MTRF1: variants seen among roughly 807,000 people sequenced by gnomAD.
MTRF1 encodes the protein peptide chain release factor 1, mitochondrial.
MTRF1 carries 51 observed loss-of-function variants against 62.9 expected under a neutral mutation model. That is an observed-to-expected ratio of 0.81 (90% CI 0.65 to 1.02). The LOEUF is 1.02. Among genes scored for constraint, MTRF1 ranks in the 50% least tolerant of loss-of-function variants. MTRF1 has a pLI of 0.00. For missense variants in MTRF1, 446 were observed against 530.0 expected, an observed-to-expected ratio of 0.84 and a Z score of 1.56; for synonymous variants, 158 against 181.9, an observed-to-expected ratio of 0.87 and a Z score of 1.06.
At chr13:41,304,172 G>A in the MTRF1 span, among the ~76,000 whole-genome samples, 4 of 152,212 alleles carry the variant, frequency 2.6e-5, no homozygotes, top group East Asian at 7.7e-4. Context: ...GGAGAGGGTG[G>A]TCTACTGTGT....
chr13:41,259,715 A>AG, intron 2 of MTRF1, among the ~76,000 whole-genome samples: 1 of 150,488 alleles, frequency 6.6e-6, no homozygotes, highest in East Asian at 1.9e-4. Context: ...AAAAAAAAAA[A>AG]AAAAAACATA....
chr13:41,271,763 G>A, the MTRF1 span, among the ~76,000 whole-genome samples: 1 of 152,072 alleles, frequency 6.6e-6, no homozygotes, highest in Admixed American at 6.5e-5. Context: ...ATTCTGCTGG[G>A]AGGAGCAAAA....
the MTRF1 span, among the ~76,000 whole-genome samples, chr13:41,306,361 G>C: frequency 6.1e-4 from 92 of 151,372 alleles, no homozygotes; most frequent in African/African-American, 2.0e-3. Flanking sequence ...TCCAGCCTGG[G>C]ACACGGAGTG....
chr13:41,227,578 T>C (rs1481925481), intron 7 of MTRF1, among the ~76,000 whole-genome samples: 1 of 152,168 alleles, frequency 6.6e-6, no homozygotes, highest in Non-Finnish European at 1.5e-5. Flanking sequence ...GAGGCTGTGT[T>C]GTTCTTAACT....
chr13:41,290,265 A>C, the MTRF1 span, among the ~76,000 whole-genome samples: 6 of 147,990 alleles, frequency 4.1e-5, no homozygotes, highest in African/African-American at 1.5e-4. Flanking sequence ...CGTCCGGCTA[A>C]TTTTTTTGTA....
chr13:41,242,122 CCAA>C (rs2037583710), intron 5 of MTRF1, among the ~76,000 whole-genome samples: 1 of 151,464 alleles, frequency 6.6e-6, no homozygotes, highest in Non-Finnish European at 1.5e-5. Flanking sequence ...TACCAAGATA[CCAA>C]CGTTTTTTTT....
rs988428113 is a variant in MTRF1, at chr13:41,233,940, T to C, written c.938A>G (p.Gln313Arg). ...GGCACTATCAGTTTTATTAACATGC[T>C]GCCCTCCTGCTCCTTTGGCTCGAAA... ...DTFRAKGAGG[Q>R]HVNKTDSAVR... Residue 313 changes from glutamine (Q) to arginine (R), a missense_variant, in exon 7 of 10, where the codon CAG (glutamine) becomes CGG (arginine). By Grantham distance (43) the Gln-to-Arg change is conservative. Coordinates refer to ENST00000379480, the MANE Select transcript of MTRF1 (RefSeq NM_004294.4). The C allele has an allele frequency of 6.2e-7, 1 of 1,614,204 alleles. No homozygotes were observed. Among genetic ancestry groups the C allele is most frequent in the Non-Finnish European group, 8.5e-7 (1 of 1,180,010 alleles).
At chr13:41,304,753 T>C in the MTRF1 span, among the ~76,000 whole-genome samples, 1 of 152,184 alleles carries the variant, frequency 6.6e-6, no homozygotes, top group Non-Finnish European at 1.5e-5. Context: ...TTGACATAGG[T>C]TACAGCTTAT....
intron 9 of MTRF1, among the ~76,000 whole-genome samples, chr13:41,218,170 T>C (rs1316402254): frequency 2.6e-5 from 4 of 151,960 alleles, no homozygotes; most frequent in African/African-American, 7.3e-5. Context: ...GGCTGGAGTA[T>C]AGTGGTGTGA....
the MTRF1 span, among the ~76,000 whole-genome samples, chr13:41,291,682 A>T: frequency 6.6e-6 from 1 of 152,098 alleles, no homozygotes; most frequent in South Asian, 2.1e-4. Context: ...CTCTCAAAAG[A>T]GGGAAAGGTA....
At chr13:41,311,279 A>AACCGCC in the MTRF1 span, 1 of 551,780 alleles carries the variant, frequency 1.8e-6, no homozygotes, top group South Asian at 2.3e-5. Flanking sequence ...AGTGCGCGGG[A>AACCGCC]ACCGCCGCCG....
chr13:41,260,528 T>C lies in MTRF1; in HGVS notation c.380A>G (p.Glu127Gly). The stretch of plus-strand genomic sequence containing the variant: ...TGATTCTAATTCTTCAATTGCTTGT[T>C]CAGTCTCCTGAATTTCTTGGTAAAT... The part of the protein sequence containing the change: ...AAIYQEIQET[E>G]QAIEELESMC... The change falls in exon 2 of 10, where the codon GAA (glutamate) becomes GGA (glycine). Residue 127 changes from glutamate to glycine, a missense_variant. Physicochemically the swap from Glu to Gly is moderately conservative, Grantham distance 98. Coordinates refer to ENST00000379480, the MANE Select transcript of MTRF1 (RefSeq NM_004294.4). 1 of 1,613,948 alleles carries C rather than the reference T, an allele frequency of 6.2e-7. No homozygotes were observed. Among genetic ancestry groups the C allele is most frequent in the Non-Finnish European group, 8.5e-7 (1 of 1,179,880 alleles).
At chr13:41,223,149 T>C in intron 9 of MTRF1, 107 bp downstream of exon 9, 1 of 644,880 alleles carries the variant, frequency 1.6e-6, no homozygotes, top group Non-Finnish European at 2.4e-6. Flanking sequence ...TTTAAATTAC[T>C]TGGTAATATT....
intron 5 of MTRF1, among the ~76,000 whole-genome samples, chr13:41,246,835 T>A (rs1344449380): frequency 1.3e-5 from 2 of 152,250 alleles, no homozygotes; most frequent in East Asian, 3.8e-4. Flanking sequence ...GAGAAGACTG[T>A]GACTTATTTG....
the MTRF1 span, among the ~76,000 whole-genome samples, chr13:41,296,900 T>G: frequency 2.6e-5 from 4 of 152,162 alleles, no homozygotes; most frequent in Admixed American, 2.6e-4. Flanking sequence ...TCATCAGATT[T>G]TAATCATGGC....
chr13:41,249,506 A>C (rs1205736852), intron 5 of MTRF1, among the ~76,000 whole-genome samples: 2 of 151,736 alleles, frequency 1.3e-5, no homozygotes, highest in Admixed American at 1.3e-4. Context: ...ACGCCACTGC[A>C]CTCCAGCCTA....
At chr13:41,311,670 C>T in the MTRF1 span, 1 of 1,200,318 alleles carries the variant, frequency 8.3e-7, no homozygotes, top group Non-Finnish European at 1.2e-6. Flanking sequence ...CCGGCGCGGG[C>T]CAGGCTTGGC....
chr13:41,286,700 G>A, the MTRF1 span, among the ~76,000 whole-genome samples: 1 of 152,146 alleles, frequency 6.6e-6, no homozygotes, highest in Non-Finnish European at 1.5e-5. Context: ...ACAACTAAGA[G>A]CAGAATACTT....
chr13:41,230,565 T>G lies in MTRF1; in HGVS notation c.988+3325A>C, dbSNP rs2035357038. 2.4e-5 allele frequency among the ~76,000 whole-genome samples: 3 copies of G among 126,770 alleles called. No individual in the cohort carries two copies. The Admixed American group carries it at 2.4e-4, about 10-fold the overall frequency. The allele number at this position is 126,770 out of a possible 152,430, so 83.2% of individuals were successfully genotyped here. On this transcript the variant is annotated intron_variant, in intron 7 of 9. Transcript: ENST00000379480. ...AGGCGTGAGCCACTGCACCGGGCCT[T>G]TTTTTTTTTTTTTTTAACAGTTTCC...
Sources: allele counts gnomAD v4.1 joint callset (sites outside exome capture counted in the v4.1 genomes callset), GRCh38; gene constraint gnomAD v4.1.1; transcripts MANE v1.5; gene names NCBI Gene and HGNC (gene_info 2026-07-23, HGNC 2026-07-21).